The following NDUFA5 variants were observed in gnomAD, a reference collection of about 807,000 sequenced individuals.
NDUFA5 encodes NADH dehydrogenase [ubiquinone] 1 alpha subcomplex subunit 5.
NDUFA5 carries 11 observed loss-of-function variants against 19.8 expected under a neutral mutation model. The observed-to-expected ratio is 0.56, with a 90% CI of 0.35 to 0.92. The LOEUF (loss-of-function observed/expected upper bound fraction) is 0.92. NDUFA5 is among the 40% of genes least tolerant of loss of function. NDUFA5 has a pLI of 0.01. For synonymous variants in NDUFA5, 47 were observed against 46.8 expected, an observed-to-expected ratio of 1.00 and a Z score of -0.01; for missense variants, 109 against 134.2, an observed-to-expected ratio of 0.81 and a Z score of 0.93.
intron 1 of NDUFA5, 86 bp from the exon 2 acceptor site, chr7:123,557,534 C>G: frequency 6.2e-7 from 1 of 1,611,260 alleles, no homozygotes; most frequent in Non-Finnish European, 8.5e-7. Context: ...CCACGAATCC[C>G]CCGGCTAAAA....
At chr7:123,579,057 G>A in the NDUFA5 span, among the ~76,000 whole-genome samples, 1 of 151,772 alleles carries the variant, frequency 6.6e-6, no homozygotes, top group Non-Finnish European at 1.5e-5. Context: ...TGCCCCTCTC[G>A]CTCCCTCCTT....
At chr7:123,552,636 TAAAAA>T (rs774901648) in intron 2 of NDUFA5, among the ~76,000 whole-genome samples, 10 of 67,396 alleles carry the variant, frequency 1.5e-4, no homozygotes, top group Non-Finnish European at 3.0e-4. Context: ...AAAGTATAAC[TAAAAA>T]AAAAAAAAAA....
chr7:123,545,969 A>G (rs1037540171), intron 3 of NDUFA5: 32 of 262,220 alleles, frequency 1.2e-4, no homozygotes, highest in Non-Finnish European at 1.4e-4. Flanking sequence ...TGCTTTCTTA[A>G]TATTTCCTGT....
At chr7:123,564,420 A>T in the NDUFA5 span, among the ~76,000 whole-genome samples, 1 of 152,102 alleles carries the variant, frequency 6.6e-6, no homozygotes, top group Non-Finnish European at 1.5e-5. Flanking sequence ...CTTGCAATCC[A>T]CAAGGCCCTG....
At chr7:123,578,284 C>T in the NDUFA5 span, among the ~76,000 whole-genome samples, 11 of 151,226 alleles carry the variant, frequency 7.3e-5, no homozygotes, top group Non-Finnish European at 4.4e-5. Context: ...TCTAAAGCCT[C>T]TTGGTCCCTC....
the NDUFA5 span, among the ~76,000 whole-genome samples, chr7:123,581,425 A>T: frequency 1.3e-5 from 2 of 151,588 alleles, no homozygotes; most frequent in African/African-American, 4.8e-5. Context: ...AAAAAAAAAA[A>T]AAAAAAAGGT....
the NDUFA5 span, among the ~76,000 whole-genome samples, chr7:123,591,942 G>A: frequency 6.6e-6 from 1 of 151,924 alleles, no homozygotes; most frequent in Non-Finnish European, 1.5e-5. Flanking sequence ...ACTTTTTTTT[G>A]TTGGTAGGCT....
In NDUFA5 at chr7:123,550,660, G is replaced by A. The variant is rs556563196; in HGVS notation, c.67-74C>T. On this transcript the variant is annotated intron_variant, in intron 2 of 4. Transcript: ENST00000355749. ...GACTTAATGGAACACTTGTCTCAAA[G>A]ACAAAACAAACAAAACTCACATCTG... The A allele has an allele frequency of 4.2e-3, 3,039 of 721,848 alleles. 10 individuals are homozygous for A. The highest frequency in any genetic ancestry group is 5.7e-3 in the Non-Finnish European group (2,627 of 459,846). The allele number at this position is 721,848 out of a possible 1,614,324, so 44.7% of individuals were successfully genotyped here.
intron 1 of NDUFA5, 112 bp downstream of exon 1, chr7:123,557,663 A>C: frequency 6.2e-7 from 1 of 1,614,004 alleles, no homozygotes; most frequent in Non-Finnish European, 8.5e-7. Flanking sequence ...GAGTCCCCGA[A>C]AAGCACCGCC....
At chr7:123,578,604 T>G in the NDUFA5 span, among the ~76,000 whole-genome samples, 3 of 152,098 alleles carry the variant, frequency 2.0e-5, no homozygotes, top group Non-Finnish European at 4.4e-5. Context: ...TATGGAGACC[T>G]TTGCCAATTT....
chr7:123,550,500 A>G lies in NDUFA5; in HGVS notation c.153T>C (p.Ile51=). The G allele has an allele frequency of 6.2e-7, 1 of 1,608,404 alleles. No individual in the cohort carries two copies. Among genetic ancestry groups the G allele is most frequent in the Non-Finnish European group, 8.5e-7 (1 of 1,176,950 alleles). Residue 51 remains isoleucine (I), a synonymous_variant, in exon 3 of 5, where the codon ATT becomes ATC. Coordinates refer to ENST00000355749, the MANE Select transcript of NDUFA5 (RefSeq NM_005000.5). The part of the protein sequence containing the change: ...NAAYRKYTEQ[I]TNEKLAMVKA... ...TAACCATAGCCAGCTTCTCATTTGT[A>G]ATCTGTTCTGTATACTTTCTATATG... is the stretch of plus-strand genomic sequence containing the variant.
chr7:123,557,555 G>C (rs1301460424), intron 1 of NDUFA5, 107 bp from the exon 2 acceptor site: 1 of 1,611,344 alleles, frequency 6.2e-7, no homozygotes, highest in Non-Finnish European at 8.5e-7. Context: ...CTGGTCTAAA[G>C]CCAGCTACTG....
At chr7:123,557,292 T>A in intron 2 of NDUFA5, 112 bp downstream of exon 2, 1 of 1,479,972 alleles carries the variant, frequency 6.8e-7, no homozygotes, top group Non-Finnish European at 9.3e-7. Context: ...TCACGCGGCT[T>A]GTAATTAAGG....
the NDUFA5 span, among the ~76,000 whole-genome samples, chr7:123,572,289 G>A: frequency 6.6e-6 from 1 of 151,168 alleles, no homozygotes; most frequent in African/African-American, 2.4e-5. Flanking sequence ...CTGTAGGCAC[G>A]CGCCACCATG....
rs1277521176 is a variant in NDUFA5, at chr7:123,540,097, G to A, written c.*2022C>T. On this transcript the variant is annotated 3_prime_UTR_variant, in exon 5 of 5. Coordinates refer to ENST00000355749, the MANE Select transcript of NDUFA5 (RefSeq NM_005000.5). ...AGGCCCCAAGTTGCATAATTGCAGG[G>A]GAAAACTACTCACGTAGGGTTCTGG... is the stretch of plus-strand genomic sequence containing the variant. 4 of 152,070 alleles carry A rather than the reference G, an allele frequency of 2.6e-5. No homozygotes were observed. The highest frequency in any genetic ancestry group is 9.7e-5 in the African/African-American group (4 of 41,412). The allele number at this position is 152,070 out of a possible 1,614,324, so 9.4% of individuals were successfully genotyped here. A position where few individuals can be genotyped will look rare whatever the true frequency, so the allele number is the denominator to read the frequency against.
At position 123,542,122 on chromosome 7, in the gene NDUFA5, T is replaced by C. The variant is rs1797961859; in HGVS notation, c.348A>G (p.Ile116Met). Residue 116 changes from isoleucine (I) to methionine (M), a missense_variant, in exon 5 of 5, where the codon ATA (isoleucine) becomes ATG (methionine). Physicochemically the swap from Ile to Met is conservative, Grantham distance 10. Transcript: ENST00000355749. Reference protein sequence around the residue: ...EPPADQWKWPI With the variant: ...EPPADQWKWPM ...ACACACCAAAGTCACTTAATAATTA[T>C]ATTGGCCATTTCCACTGATCGGCAG... 1 of 1,605,620 alleles carries C rather than the reference T, an allele frequency of 6.2e-7. No individual in the cohort carries two copies. The highest frequency in any genetic ancestry group is 8.5e-7 in the Non-Finnish European group (1 of 1,175,582).
intron 2 of NDUFA5, among the ~76,000 whole-genome samples, chr7:123,553,610 G>C (rs1450636133): frequency 1.3e-5 from 2 of 152,138 alleles, no homozygotes; most frequent in Admixed American, 1.3e-4. Context: ...GGCAGGGATG[G>C]GGAAATACAT....
rs771772494 is a variant in NDUFA5, at chr7:123,550,538, G to C, written c.115C>G (p.Pro39Ala). Residue 39 changes from proline to alanine, a missense_variant, in exon 3 of 5, where the codon CCT (proline) becomes GCT (alanine). Pro to Ala is a conservative substitution (Grantham distance 27). Coordinates refer to ENST00000355749, the MANE Select transcript of NDUFA5 (RefSeq NM_005000.5). ...TACTTTCTATATGCTGCATTTTTAG[G>C]GATTTCCTCAAGAACATCAAGAATC... The part of the protein sequence containing the change: ...TKILDVLEEI[P>A]KNAAYRKYTE... 2 of 1,610,896 alleles carry C rather than the reference G, an allele frequency of 1.2e-6. No homozygotes were observed. Among genetic ancestry groups the C allele is most frequent in the East Asian group, 4.5e-5 (2 of 44,706 alleles).
At chr7:123,544,298 A>C (rs558391635) in intron 4 of NDUFA5, among the ~76,000 whole-genome samples, 12 of 152,104 alleles carry the variant, frequency 7.9e-5, no homozygotes, top group Non-Finnish European at 1.6e-4. Context: ...CAGGAGTTCG[A>C]GACCAGCCTG....
Sources: gnomAD v4.1 joint callset for allele counts (sites outside exome capture counted in the v4.1 genomes callset) on GRCh38, gnomAD v4.1.1 for gene constraint, MANE v1.5 for transcripts, NCBI Gene and HGNC (gene_info 2026-07-23, HGNC 2026-07-21) for gene names.